The following ELOVL5 variants were observed in gnomAD, a reference collection of about 807,000 sequenced individuals.
ELOVL5 encodes the protein very long chain fatty acid elongase 5.
In ELOVL5, 8 loss-of-function variants were observed where a neutral mutation model predicts 38.6. The ratio of observed to expected loss-of-function variants is 0.21; its 90% CI spans 0.12 to 0.37. The LOEUF is 0.37. Ranked by LOEUF, ELOVL5 falls within the 10% of genes least tolerant of loss-of-function variation. The pLI is 1.00. For missense variants in ELOVL5, 280 were observed against 367.8 expected, an observed-to-expected ratio of 0.76 and a Z score of 1.95; for synonymous variants, 127 against 133.7, an observed-to-expected ratio of 0.95 and a Z score of 0.34.
intron 3 of ELOVL5, among the ~76,000 whole-genome samples, chr6:53,277,489 C>T (rs553097708): frequency 5.3e-5 from 8 of 152,272 alleles, no homozygotes; most frequent in African/African-American, 1.9e-4. Flanking sequence ...CAGCTAATTC[C>T]TGTGGGCTTT....
Position 53,313,675 on chromosome 6 carries a change from T to C in ELOVL5, c.-8-17968A>G, listed in dbSNP as rs115323482. On this transcript the variant is annotated intron_variant, in intron 1 of 7. Coordinates refer to ENST00000304434, the MANE Select transcript of ELOVL5 (RefSeq NM_021814.5). ...CCATGCCTGGCTAAAAACTTAGTTT[T>C]AGACTGTCAGATTCCAGATGTTTTT... Among the ~76,000 whole-genome samples the C allele has an allele frequency of 3.2e-3, 495 of 152,334 alleles. 2 individuals are homozygous for C. Among genetic ancestry groups the C allele is most frequent in the Non-Finnish European group, 4.7e-3 (322 of 68,024 alleles).
chr6:53,308,116 T>TA (rs35764938), intron 1 of ELOVL5, among the ~76,000 whole-genome samples: 54,844 of 150,056 alleles, frequency 0.37, 10,978 homozygotes, highest in African/African-American at 0.55. Context: ...ATTATCAAGT[T>TA]AAAAAAAAAA....
chr6:53,323,767 G>A (rs1322071120), intron 1 of ELOVL5, among the ~76,000 whole-genome samples: 2 of 152,062 alleles, frequency 1.3e-5, no homozygotes, highest in South Asian at 2.1e-4. Context: ...ATTTTTAGTA[G>A]AGACAGGGTT....
intron 1 of ELOVL5, among the ~76,000 whole-genome samples, chr6:53,309,107 T>C (rs1453915151): frequency 1.3e-5 from 2 of 152,050 alleles, no homozygotes; most frequent in Admixed American, 6.5e-5. Context: ...TTACTATCAG[T>C]AGAGGAGATC....
At chr6:53,307,010 G>A (rs1380397255) in intron 1 of ELOVL5, among the ~76,000 whole-genome samples, 5 of 152,216 alleles carry the variant, frequency 3.3e-5, no homozygotes, top group Non-Finnish European at 7.3e-5. Context: ...GCAGGAGTTA[G>A]TCATCCTCCT....
intron 2 of ELOVL5, among the ~76,000 whole-genome samples, 157 bp downstream of exon 2, chr6:53,295,485 C>CA (rs764772992): frequency 6.6e-6 from 1 of 152,168 alleles, no homozygotes; most frequent in Non-Finnish European, 1.5e-5. Context: ...GTGTCTCTGT[C>CA]AGAGACTTCT....
chr6:53,292,058 C>T, intron 2 of ELOVL5, 95 bp from the exon 3 acceptor site: 1 of 701,566 alleles, frequency 1.4e-6, no homozygotes, highest in East Asian at 2.9e-5. Flanking sequence ...TAAAAGTCAC[C>T]TGGTATTCAT....
At chr6:53,287,924 G>A (rs757756276) in intron 3 of ELOVL5, 7 of 1,535,682 alleles carry the variant, frequency 4.6e-6, no homozygotes, top group African/African-American at 2.7e-5. Context: ...GCAGATCGAC[G>A]GGGTTGCTCC....
rs3063792 is a variant in ELOVL5 at position 53,323,576 on chromosome 6, CTTTTTTTTTT to C, written c.-9+25231_-9+25240del. ...CTCTACCACGTCCAATACTAGCCAG[CTTTTTTTTTT>C]TTTTTTTTTTTTTGAGACGGAGTTT... On this transcript the variant is annotated intron_variant, in intron 1 of 7. Coordinates refer to ENST00000304434, the MANE Select transcript of ELOVL5 (RefSeq NM_021814.5). 6.0e-3 allele frequency among the ~76,000 whole-genome samples: 491 copies of C among 81,554 alleles called. 2 individuals are homozygous for C. The highest frequency in any genetic ancestry group is 0.02 in the African/African-American group (422 of 21,040). 53.5% of individuals were successfully genotyped at this position (81,554 alleles called of 152,430 possible).
intron 1 of ELOVL5, among the ~76,000 whole-genome samples, chr6:53,339,399 A>C (rs923279352): frequency 1.3e-5 from 2 of 152,206 alleles, no homozygotes; most frequent in East Asian, 3.8e-4. Flanking sequence ...TCCTAAGAGA[A>C]CTGAAGGTGG....
intron 1 of ELOVL5, among the ~76,000 whole-genome samples, chr6:53,334,366 G>C (rs184516740): frequency 1.8e-4 from 28 of 152,144 alleles, no homozygotes; most frequent in African/African-American, 5.5e-4. Context: ...GCAGCACAGG[G>C]TAAAATATGC....
intron 1 of ELOVL5, among the ~76,000 whole-genome samples, chr6:53,305,115 C>A (rs1052952040): frequency 6.7e-6 from 1 of 149,756 alleles, no homozygotes; most frequent in Non-Finnish European, 1.5e-5. Flanking sequence ...CTGACCCCCC[C>A]ACCTCCCTCC....
At chr6:53,299,253 C>A (rs1767147632) in intron 1 of ELOVL5, among the ~76,000 whole-genome samples, 1 of 152,084 alleles carries the variant, frequency 6.6e-6, no homozygotes, top group Admixed American at 6.5e-5. Flanking sequence ...TGAGATCAAA[C>A]AGGAGGAATA....
chr6:53,347,570 T>C (rs1769609656), intron 1 of ELOVL5, among the ~76,000 whole-genome samples: 1 of 152,142 alleles, frequency 6.6e-6, no homozygotes, highest in African/African-American at 2.4e-5. Context: ...CAACATCAGC[T>C]CTTCCGTACA....
chr6:53,331,198 A>G (rs1768786097), intron 1 of ELOVL5, among the ~76,000 whole-genome samples: 1 of 152,032 alleles, frequency 6.6e-6, no homozygotes, highest in South Asian at 2.1e-4. Context: ...ATGGTGGTAC[A>G]TACCTGTGGT....
intron 3 of ELOVL5, among the ~76,000 whole-genome samples, chr6:53,281,443 A>G (rs1766348640): frequency 6.6e-6 from 1 of 152,152 alleles, no homozygotes; most frequent in African/African-American, 2.4e-5. Context: ...AGGTCTTGGT[A>G]CCACTGGGAT....
chr6:53,281,261 T>G (rs933991409), intron 3 of ELOVL5, among the ~76,000 whole-genome samples: 9 of 152,214 alleles, frequency 5.9e-5, no homozygotes, highest in African/African-American at 2.2e-4. Flanking sequence ...CAAGTTCAAC[T>G]ACATCACAGG....
intron 1 of ELOVL5, among the ~76,000 whole-genome samples, chr6:53,330,685 G>A (rs1037370129): frequency 1.3e-5 from 2 of 151,514 alleles, no homozygotes; most frequent in African/African-American, 4.8e-5. Flanking sequence ...CTGTTCATGA[G>A]TTTTACAGAC....
chr6:53,273,824 A>T (rs547808977), intron 5 of ELOVL5, among the ~76,000 whole-genome samples: 2 of 152,332 alleles, frequency 1.3e-5, no homozygotes, highest in African/African-American at 4.8e-5. Flanking sequence ...TGCAGTGCTG[A>T]GGTCATACAT....
Sources: gnomAD v4.1 joint callset for allele counts (sites outside exome capture counted in the v4.1 genomes callset) on GRCh38, gnomAD v4.1.1 for gene constraint, MANE v1.5 for transcripts, NCBI Gene and HGNC (gene_info 2026-07-23, HGNC 2026-07-21) for gene names.